The following ST13 variants were observed in gnomAD, a reference collection of about 807,000 sequenced individuals.
ST13 encodes ST13 Hsp70 interacting protein.
ST13 carries 23 observed loss-of-function variants against 56.7 expected under a neutral mutation model. The ratio of observed to expected loss-of-function variants is 0.41; its 90% CI spans 0.29 to 0.57. ST13 has a LOEUF of 0.57. ST13 is among the 20% of genes least tolerant of loss of function. The pLI, the probability that ST13 is intolerant of heterozygous loss-of-function variation, is 0.36. For missense variants in ST13, 369 were observed against 459.9 expected, an observed-to-expected ratio of 0.80 and a Z score of 1.81; for synonymous variants, 132 against 142.4, an observed-to-expected ratio of 0.93 and a Z score of 0.52.
At chr22:40,837,915 T>G (rs2145738783) in intron 5 of ST13, among the ~76,000 whole-genome samples, 1 of 152,294 alleles carries the variant, frequency 6.6e-6, no homozygotes, top group South Asian at 2.1e-4. Context: ...CTCAAAGTGC[T>G]GGGATTGTTA....
intron 5 of ST13, among the ~76,000 whole-genome samples, chr22:40,836,508 A>C (rs1202090847): frequency 6.6e-6 from 1 of 152,116 alleles, no homozygotes; most frequent in Non-Finnish European, 1.5e-5. Context: ...GGATAAGATA[A>C]ATTAATTTTA....
intron 3 of ST13, among the ~76,000 whole-genome samples, chr22:40,847,320 G>C (rs1453663543): frequency 6.6e-6 from 1 of 151,206 alleles, no homozygotes; most frequent in African/African-American, 2.4e-5. Context: ...GATCACCTGA[G>C]ATCAGGAGTT....
At chr22:40,852,923 T>C (rs2145752650) in intron 1 of ST13, among the ~76,000 whole-genome samples, 1 of 152,314 alleles carries the variant, frequency 6.6e-6, no homozygotes, top group Non-Finnish European at 1.5e-5. Context: ...TAGAGTGACA[T>C]CCAGACATAG....
chr22:40,844,762 C>A (rs1242622123), intron 4 of ST13, 77 bp downstream of exon 4: 5 of 1,212,206 alleles, frequency 4.1e-6, no homozygotes, highest in Non-Finnish European at 5.9e-6. Flanking sequence ...CTGGAAGAAT[C>A]GTGTCATAAA....
At chr22:40,839,481 T>G (rs898579448) in intron 5 of ST13, among the ~76,000 whole-genome samples, 1 of 152,098 alleles carries the variant, frequency 6.6e-6, no homozygotes, top group Non-Finnish European at 1.5e-5. Context: ...AATACTACCA[T>G]GGGCCGGGCG....
chr22:40,835,873 C>T lies in ST13; in HGVS notation c.397G>A (p.Ala133Thr), dbSNP rs750817417. 2 of 1,612,006 alleles carry T rather than the reference C, an allele frequency of 1.2e-6. No individual in the cohort carries two copies. The highest frequency in any genetic ancestry group is 1.7e-6 in the Non-Finnish European group (2 of 1,179,722). Residue 133 changes from alanine (A) to threonine (T), a missense_variant, in exon 6 of 12, where the codon GCC becomes ACC. Ala to Thr is a moderately conservative substitution (Grantham distance 58, BLOSUM62 0). Transcript: ENST00000216218. ...ATGGCATCTGTGAATAAGTCAATGG[C>T]TTTCTGGAGTTCACCTAAAGTGAAA... Reference protein sequence around the residue: ...EALNDGELQKAIDLFTDAIKL... With the variant: ...EALNDGELQKTIDLFTDAIKL...
At chr22:40,850,958 A>C in intron 1 of ST13, 78 bp from the exon 2 acceptor site, 1 of 1,009,344 alleles carries the variant, frequency 9.9e-7, no homozygotes, top group Non-Finnish European at 1.5e-6. Flanking sequence ...CACCTAAAAA[A>C]TAACGTTAGA....
At chr22:40,848,551 A>G (rs2057844755) in intron 2 of ST13, among the ~76,000 whole-genome samples, 182 bp from the exon 3 acceptor site, 2 of 152,244 alleles carry the variant, frequency 1.3e-5, no homozygotes, top group East Asian at 3.9e-4. Context: ...GTTCAAGACT[A>G]GCCTGGCCAA....
chr22:40,850,728 C>T (rs1268756412), intron 2 of ST13, 95 bp downstream of exon 2: 5 of 887,858 alleles, frequency 5.6e-6, no homozygotes, highest in African/African-American at 1.7e-5. Context: ...TTGGGGAAAT[C>T]AGGAGTGATA....
intron 3 of ST13, among the ~76,000 whole-genome samples, chr22:40,847,491 G>T (rs1411006913): frequency 1.3e-5 from 2 of 151,102 alleles, no homozygotes; most frequent in African/African-American, 4.9e-5. Context: ...GGAGGCTGCA[G>T]TGAGCTGAGA....
chr22:40,836,690 G>T (rs985078659), intron 5 of ST13, among the ~76,000 whole-genome samples: 1 of 152,118 alleles, frequency 6.6e-6, no homozygotes, highest in African/African-American at 2.4e-5. Flanking sequence ...ATTCATAAAA[G>T]ACCATAACCT....
chr22:40,848,151 A>G, intron 3 of ST13, 143 bp downstream of exon 3: 1 of 590,162 alleles, frequency 1.7e-6, no homozygotes, highest in South Asian at 2.3e-5. Flanking sequence ...TTTACTTTCT[A>G]AAATGTGACT....
At chr22:40,843,056 G>C (rs1248508719) in intron 4 of ST13, among the ~76,000 whole-genome samples, 1 of 152,152 alleles carries the variant, frequency 6.6e-6, no homozygotes, top group East Asian at 1.9e-4. Flanking sequence ...GGGCGTCAAG[G>C]GCGCAGTGAG....
At chr22:40,827,364 A>T in intron 10 of ST13, 135 bp from the exon 11 acceptor site, 1 of 791,198 alleles carries the variant, frequency 1.3e-6, no homozygotes, top group East Asian at 2.5e-5. Context: ...GAAAATTCTA[A>T]CCAGACTGCA....
At chr22:40,838,844 TGATAGGTATGAA>T (rs2057789263) in intron 5 of ST13, among the ~76,000 whole-genome samples, 2 of 151,378 alleles carry the variant, frequency 1.3e-5, no homozygotes, top group Admixed American at 6.6e-5. Flanking sequence ...TGGGAACAAC[TGATAGGTATGAA>T]TTAAAAGTTG....
intron 10 of ST13, among the ~76,000 whole-genome samples, chr22:40,828,539 G>A (rs1044604181): frequency 9.9e-5 from 15 of 151,948 alleles, no homozygotes; most frequent in African/African-American, 3.4e-4. Context: ...CGTGAACCCG[G>A]CAGGCGGAGC....
chr22:40,845,447 G>C (rs1163047333), intron 3 of ST13, among the ~76,000 whole-genome samples: 1 of 152,028 alleles, frequency 6.6e-6, no homozygotes, highest in Non-Finnish European at 1.5e-5. Flanking sequence ...TTCCAAGCAT[G>C]AGCCACTGCA....
intron 8 of ST13, chr22:40,832,184 G>A (rs752204998): frequency 1.7e-5 from 8 of 471,844 alleles, no homozygotes; most frequent in South Asian, 1.1e-4. Flanking sequence ...ACTTCCACAA[G>A]GTCTTCTTGC....
In ST13 at chr22:40,836,685, T is replaced by C. The variant is rs973031557; in HGVS notation, c.383-798A>G. Among the ~76,000 whole-genome samples the C allele has an allele frequency of 9.2e-5, 14 of 152,222 alleles. No individual in the cohort carries two copies. In the East Asian group the frequency reaches 1.3e-3, roughly 15 times the overall value. On this transcript the variant is annotated intron_variant, in intron 5 of 11. Transcript: ENST00000216218. Reference sequence around the variant, plus strand: ...AAAAATTCAAGAAAACTAGAATTCATAAAAGACCATAACCTATACTTTAAT... The same window carrying C: ...AAAAATTCAAGAAAACTAGAATTCACAAAAGACCATAACCTATACTTTAAT...
Sources: gnomAD v4.1 joint callset for allele counts (sites outside exome capture counted in the v4.1 genomes callset) on GRCh38, gnomAD v4.1.1 for gene constraint, MANE v1.5 for transcripts, NCBI Gene and HGNC (gene_info 2026-07-23, HGNC 2026-07-21) for gene names.